ZNF362: variants seen among roughly 807,000 people sequenced by gnomAD.
ZNF362 encodes zinc finger protein 362.
ZNF362 carries 11 observed loss-of-function variants against 42.9 expected under a neutral mutation model. That is an observed-to-expected ratio of 0.26 (90% CI 0.16 to 0.42). The LOEUF (loss-of-function observed/expected upper bound fraction) is 0.42, where lower values mean the gene tolerates loss of function less well. Ranked by LOEUF, ZNF362 falls within the 20% of genes least tolerant of loss-of-function variation. The pLI, the probability that ZNF362 is intolerant of heterozygous loss-of-function variation, is 1.00. For synonymous variants in ZNF362, 255 were observed against 257.3 expected, an observed-to-expected ratio of 0.99 and a Z score of 0.09; for missense variants, 362 against 576.2, an observed-to-expected ratio of 0.63 and a Z score of 3.81.
the ZNF362 span, among the ~76,000 whole-genome samples, chr1:33,204,003 T>C: frequency 6.6e-6 from 1 of 152,174 alleles, no homozygotes; most frequent in South Asian, 2.1e-4. Flanking sequence ...TATTTTTGCT[T>C]TTATAGCCTG....
At chr1:33,284,624 C>T (rs1321494505) in intron 6 of ZNF362, among the ~76,000 whole-genome samples, 2 of 152,066 alleles carry the variant, frequency 1.3e-5, no homozygotes, top group African/African-American at 4.8e-5. Flanking sequence ...CCCACCCTCA[C>T]CCCCAGAATT....
the ZNF362 span, among the ~76,000 whole-genome samples, chr1:33,216,838 A>T: frequency 1.3e-5 from 2 of 151,730 alleles, no homozygotes; most frequent in Admixed American, 1.3e-4. Context: ...AGGTGGCTGG[A>T]GGGGCTGGGC....
At chr1:33,218,240 A>G in the ZNF362 span, among the ~76,000 whole-genome samples, 1 of 152,172 alleles carries the variant, frequency 6.6e-6, no homozygotes, top group African/African-American at 2.4e-5. Flanking sequence ...CAGGAGTTCA[A>G]GATCAGCCTG....
chr1:33,274,815 C>A, intron 2 of ZNF362: 1 of 433,700 alleles, frequency 2.3e-6, no homozygotes, highest in Non-Finnish European at 3.1e-6. Context: ...CAGGTCTCCT[C>A]CTTCCCCTCT....
chr1:33,250,501 C>G, the ZNF362 span, among the ~76,000 whole-genome samples: 1 of 152,202 alleles, frequency 6.6e-6, no homozygotes, highest in South Asian at 2.1e-4. Flanking sequence ...AAACCAAACA[C>G]TGAATGTTCT....
the ZNF362 span, among the ~76,000 whole-genome samples, chr1:33,171,294 C>T: frequency 6.6e-6 from 1 of 152,284 alleles, no homozygotes; most frequent in Non-Finnish European, 1.5e-5. Context: ...GGGCTGGAGG[C>T]GGATGTGGTT....
chr1:33,216,599 C>CAAAAAAAAAAA, the ZNF362 span, among the ~76,000 whole-genome samples: 12 of 71,886 alleles, frequency 1.7e-4, no homozygotes, highest in African/African-American at 2.2e-4. Context: ...GACTCTGTCT[C>CAAAAAAAAAAA]AAAAAAAAAA....
the ZNF362 span, among the ~76,000 whole-genome samples, chr1:33,157,713 C>G: frequency 1.3e-5 from 2 of 151,562 alleles, no homozygotes; most frequent in Non-Finnish European, 2.9e-5. Context: ...GTCATTTCAT[C>G]TGGAGAATGG....
At chr1:33,218,533 C>T in the ZNF362 span, among the ~76,000 whole-genome samples, 18 of 152,216 alleles carry the variant, frequency 1.2e-4, no homozygotes, top group African/African-American at 4.1e-4. Context: ...TCTCAGCACT[C>T]TTTCTAAAAG....
the ZNF362 span, among the ~76,000 whole-genome samples, chr1:33,154,434 C>T: frequency 4.6e-5 from 7 of 152,256 alleles, no homozygotes; most frequent in African/African-American, 1.4e-4. Flanking sequence ...GCCAGCTTCT[C>T]ATTCTCTCTT....
chr1:33,150,566 A>G, the ZNF362 span, among the ~76,000 whole-genome samples: 1 of 152,240 alleles, frequency 6.6e-6, no homozygotes, highest in South Asian at 2.1e-4. Context: ...CAATGGAAAC[A>G]CAATCCTCTG....
At chr1:33,251,886 A>G (rs749220905), upstream of ZNF362, among the ~76,000 whole-genome samples, 2 of 152,230 alleles carry the variant, frequency 1.3e-5, no homozygotes, top group Non-Finnish European at 1.5e-5. Context: ...TGGGACAGAC[A>G]GTGGAAGAGC....
chr1:33,276,683 G>C, intron 4 of ZNF362, 89 bp downstream of exon 4: 1 of 1,278,458 alleles, frequency 7.8e-7, no homozygotes, highest in Non-Finnish European at 9.9e-7. Context: ...GATGGGACCC[G>C]GCTAGGTAAG....
chr1:33,295,095 G>T (rs1646110324), intron 7 of ZNF362, 52 bp from the exon 8 acceptor site: 3 of 1,613,542 alleles, frequency 1.9e-6, no homozygotes, highest in Non-Finnish European at 1.7e-6. Context: ...TAGGAAGGGG[G>T]TGGGGTGAGG....
chr1:33,272,612 C>T (rs72656297), intron 2 of ZNF362, among the ~76,000 whole-genome samples: 3 of 152,294 alleles, frequency 2.0e-5, no homozygotes, highest in Non-Finnish European at 2.9e-5. Flanking sequence ...TGGCCACCAG[C>T]GTGTTTCCTC....
chr1:33,265,734 C>A (rs1007763353), intron 1 of ZNF362, among the ~76,000 whole-genome samples: 1 of 152,104 alleles, frequency 6.6e-6, no homozygotes, highest in Non-Finnish European at 1.5e-5. Flanking sequence ...CCAGGCCATC[C>A]TTCTGGCCCC....
At chr1:33,199,136 A>G in the ZNF362 span, among the ~76,000 whole-genome samples, 1 of 152,180 alleles carries the variant, frequency 6.6e-6, no homozygotes, top group Non-Finnish European at 1.5e-5. Flanking sequence ...AAAAATTTCC[A>G]AATTTGATGA....
the ZNF362 span, among the ~76,000 whole-genome samples, chr1:33,210,902 A>C: frequency 2.6e-5 from 4 of 150,954 alleles, no homozygotes; most frequent in East Asian, 7.8e-4. Context: ...GTGTCTTTTA[A>C]TTGGGACATT....
the ZNF362 span, among the ~76,000 whole-genome samples, chr1:33,173,678 C>CT: frequency 2.1e-5 from 3 of 143,792 alleles, no homozygotes; most frequent in East Asian, 2.0e-4. Context: ...CAGTTTCTTT[C>CT]TTTTTTTTTT....
Sources: gnomAD v4.1 joint callset for allele counts (sites outside exome capture counted in the v4.1 genomes callset) on GRCh38, gnomAD v4.1.1 for gene constraint, MANE v1.5 for transcripts, NCBI Gene and HGNC (gene_info 2026-07-23, HGNC 2026-07-21) for gene names.